The following TBCK variants were observed in gnomAD, a reference collection of about 807,000 sequenced individuals.
The protein encoded by TBCK is TBC domain-containing protein kinase-like protein.
A neutral mutation model predicts 113.4 loss-of-function variants in TBCK; 99 were observed. That is an observed-to-expected ratio of 0.87 (90% CI 0.74 to 1.03). The LOEUF (loss-of-function observed/expected upper bound fraction) is 1.03. Ranked by LOEUF, TBCK falls within the 50% of genes least tolerant of loss-of-function variation. The probability of loss-of-function intolerance (pLI) is 0.00; values close to 1 mark genes in which losing one functional copy is unlikely to be tolerated. For missense variants in TBCK, 1,045 were observed against 1,061.3 expected, an observed-to-expected ratio of 0.98 and a Z score of 0.21; for synonymous variants, 369 against 370.8, an observed-to-expected ratio of 1.00 and a Z score of 0.05.
At chr4:106,302,344 TA>T (rs1342358832) in intron 2 of TBCK, among the ~76,000 whole-genome samples, 1 of 152,162 alleles carries the variant, frequency 6.6e-6, no homozygotes, top group Admixed American at 6.5e-5. Flanking sequence ...TTACAGTTTC[TA>T]AGCGGATCAG....
At chr4:106,047,660 T>C (rs900193813) in intron 25 of TBCK, among the ~76,000 whole-genome samples, 5 of 152,188 alleles carry the variant, frequency 3.3e-5, no homozygotes, top group African/African-American at 1.2e-4. Flanking sequence ...ATTTAAATTA[T>C]CCATTTAAGA....
At chr4:106,155,777 G>A (rs1749052975) in intron 23 of TBCK, among the ~76,000 whole-genome samples, 1 of 151,982 alleles carries the variant, frequency 6.6e-6, no homozygotes, top group South Asian at 2.1e-4. Flanking sequence ...GTAGAATTCT[G>A]AATTCCTTCT....
At chr4:106,144,152 T>A (rs550382107) in intron 23 of TBCK, among the ~76,000 whole-genome samples, 3 of 152,188 alleles carry the variant, frequency 2.0e-5, no homozygotes, top group Admixed American at 1.3e-4. Flanking sequence ...AACAATCTAA[T>A]ACATTTTTTA....
intron 23 of TBCK, among the ~76,000 whole-genome samples, chr4:106,122,201 C>T (rs200679590): frequency 0.055 from 8,388 of 151,316 alleles, 471 homozygotes; most frequent in East Asian, 0.27. Context: ...ATATCACCAC[C>T]GATCCCACAG....
At chr4:106,290,567 T>C (rs961915318) in intron 3 of TBCK, among the ~76,000 whole-genome samples, 2 of 152,220 alleles carry the variant, frequency 1.3e-5, no homozygotes, top group African/African-American at 4.8e-5. Context: ...AAGGTTAAAC[T>C]ATTTCTAAAT....
chr4:106,235,246 C>T (rs1759313863), intron 15 of TBCK, 23 bp downstream of exon 15: 2 of 1,527,252 alleles, frequency 1.3e-6, no homozygotes. Flanking sequence ...TAATCAGCTT[C>T]TAACCTTTTC....
At chr4:106,187,639 C>T (rs1753178199) in intron 22 of TBCK, among the ~76,000 whole-genome samples, 1 of 152,186 alleles carries the variant, frequency 6.6e-6, no homozygotes, top group Admixed American at 6.5e-5. Flanking sequence ...TGGTCTCGAA[C>T]TCCTGACCTT....
intron 24 of TBCK, among the ~76,000 whole-genome samples, chr4:106,097,467 A>G (rs942755381): frequency 6.6e-6 from 1 of 152,160 alleles, no homozygotes; most frequent in Admixed American, 6.5e-5. Flanking sequence ...TAAATCGTCT[A>G]TCATTACTGG....
intron 24 of TBCK, among the ~76,000 whole-genome samples, chr4:106,111,576 C>T (rs1477634698): frequency 6.6e-6 from 1 of 152,086 alleles, no homozygotes; most frequent in Non-Finnish European, 1.5e-5. Flanking sequence ...AGCTTGGCTC[C>T]CCAGTAGAAA....
chr4:106,055,088 A>T (rs1735233529), intron 25 of TBCK, among the ~76,000 whole-genome samples: 1 of 151,684 alleles, frequency 6.6e-6, no homozygotes, highest in Non-Finnish European at 1.5e-5. Flanking sequence ...TCATTTCCAC[A>T]GTTAAGGAAG....
At chr4:106,219,596 T>C (rs1757429196) in intron 19 of TBCK, among the ~76,000 whole-genome samples, 1 of 152,110 alleles carries the variant, frequency 6.6e-6, no homozygotes, top group African/African-American at 2.4e-5. Flanking sequence ...GTTTACTCAC[T>C]ATGCACTAAT....
chr4:106,094,008 T>A (rs1156538376), intron 25 of TBCK, among the ~76,000 whole-genome samples: 2 of 152,110 alleles, frequency 1.3e-5, no homozygotes, highest in Non-Finnish European at 2.9e-5. Flanking sequence ...TGTGGGGTAG[T>A]GGTATATGGG....
At chr4:106,107,143 C>G (rs1016613653) in intron 24 of TBCK, among the ~76,000 whole-genome samples, 1 of 152,110 alleles carries the variant, frequency 6.6e-6, no homozygotes, top group Non-Finnish European at 1.5e-5. Context: ...AAAGCAAGTT[C>G]TTAGAGACCT....
At chr4:106,309,455 A>G (rs1337963549) in intron 1 of TBCK, among the ~76,000 whole-genome samples, 1 of 151,404 alleles carries the variant, frequency 6.6e-6, no homozygotes, top group Non-Finnish European at 1.5e-5. Context: ...GGCACCCACG[A>G]CCACACCCAG....
intron 10 of TBCK, among the ~76,000 whole-genome samples, chr4:106,245,364 A>G (rs1760680259): frequency 6.6e-6 from 1 of 152,214 alleles, no homozygotes; most frequent in Non-Finnish European, 1.5e-5. Context: ...GGTTAGTCAG[A>G]GGCTAACTCA....
intron 3 of TBCK, among the ~76,000 whole-genome samples, chr4:106,270,697 C>G (rs1196207368): frequency 5.3e-5 from 8 of 152,142 alleles, no homozygotes; most frequent in Admixed American, 2.6e-4. Flanking sequence ...TAATTTATCA[C>G]CCTACCCATC....
At chr4:106,296,623 T>A (rs1193438421) in intron 2 of TBCK, among the ~76,000 whole-genome samples, 1 of 152,114 alleles carries the variant, frequency 6.6e-6, no homozygotes, top group East Asian at 1.9e-4. Flanking sequence ...CTTATCTAAG[T>A]TTACTCTGTC....
At chr4:106,304,442 AAAC>A (rs1240968362) in intron 2 of TBCK, among the ~76,000 whole-genome samples, 1 of 152,208 alleles carries the variant, frequency 6.6e-6, no homozygotes, top group Non-Finnish European at 1.5e-5. Context: ...CAGATTGTAC[AAAC>A]ATTATAAAGC....
chr4:106,198,876 C>T (rs1754558700), intron 20 of TBCK, among the ~76,000 whole-genome samples: 1 of 152,110 alleles, frequency 6.6e-6, no homozygotes, highest in Non-Finnish European at 1.5e-5. Flanking sequence ...AATACAAGTT[C>T]TGGTATAAGG....
Sources: gnomAD v4.1 joint callset for allele counts (sites outside exome capture counted in the v4.1 genomes callset) on GRCh38, gnomAD v4.1.1 for gene constraint, MANE v1.5 for transcripts, NCBI Gene and HGNC (gene_info 2026-07-23, HGNC 2026-07-21) for gene names.